Variants in KIF1B observed in about 807,000 individuals in gnomAD.
The protein encoded by KIF1B is kinesin family member 1B.
A neutral mutation model predicts 241.9 loss-of-function variants in KIF1B; 76 were observed. The ratio of observed to expected loss-of-function variants is 0.31; its 90% confidence interval spans 0.26 to 0.38. KIF1B has a LOEUF of 0.38. Among genes scored for constraint, KIF1B ranks in the 10% least tolerant of loss-of-function variants. The pLI is 1.00. For synonymous variants in KIF1B, 750 were observed against 796.7 expected (o/e 0.94, Z 0.99); for missense variants, 1,622 against 2,271.4 (o/e 0.71, Z 5.81).
rs755794359 is a variant in KIF1B, at chr1:10,238,381, CAAAAA to C, written c.106+5963_106+5967del. On this transcript the variant is annotated intron_variant, in intron 2 of 48. Coordinates refer to ENST00000676179, the MANE Select transcript of KIF1B (RefSeq NM_001365951.3). Reference sequence around the variant, plus strand: ...GGGCGACAAGAGCAAAACTTTGTCTCAAAAAAAAAAAAAAAAAAAATACAGAAAGT... The same window carrying C: ...GGGCGACAAGAGCAAAACTTTGTCTCAAAAAAAAAAAAAAATACAGAAAGT... Among the ~76,000 whole-genome samples the C allele has an allele frequency of 2.2e-3, 194 of 87,120 alleles. 2 individuals are homozygous for C. The highest frequency in any genetic ancestry group is 7.9e-3 in the African/African-American group (182 of 23,070). The allele number at this position is 87,120 out of a possible 152,430, so 57.2% of individuals were successfully genotyped here.
intron 2 of KIF1B, among the ~76,000 whole-genome samples, chr1:10,246,369 T>C (rs969411242): frequency 5.3e-5 from 8 of 152,340 alleles, no homozygotes; most frequent in Admixed American, 5.2e-4. Flanking sequence ...CCATTTCTAC[T>C]CTAGTCAAGA....
intron 22 of KIF1B, chr1:10,299,072 A>AG (rs1557697626): frequency 6.7e-6 from 1 of 148,228 alleles, no homozygotes; most frequent in Non-Finnish European, 1.5e-5. Context: ...TCCATATTTA[A>AG]AAAAAAAAAA....
chr1:10,217,161 A>T (rs1215420760), intron 1 of KIF1B, among the ~76,000 whole-genome samples: 1 of 150,284 alleles, frequency 6.7e-6, no homozygotes, highest in Non-Finnish European at 1.5e-5. Flanking sequence ...TTTAGTAGAG[A>T]TGGGGTTTCA....
chr1:10,380,748 T>G lies in KIF1B; in HGVS notation c.*4161T>G, dbSNP rs538115883. The G allele has an allele frequency of 4.6e-6, 1 of 215,608 alleles. No individual in the cohort carries two copies. Among genetic ancestry groups the G allele is most frequent in the South Asian group, 1.9e-4 (1 of 5,338 alleles). The allele number at this position is 215,608 out of a possible 1,614,324, so 13.4% of individuals were successfully genotyped here. On this transcript the variant is annotated 3_prime_UTR_variant, in exon 49 of 49. Transcript: ENST00000676179. ...TCATGATGCTGCTGCTCCCAGAAGG[T>G]TTGCTGGATGTGTTTACATAGGACT...
chr1:10,365,469 T>G lies in KIF1B; in HGVS notation c.4573T>G (p.Ser1525Ala). The change falls in exon 43 of 49, where the codon TCC becomes GCC. Residue 1525 changes from serine to alanine, a missense_variant. By Grantham distance (99) the Ser-to-Ala change is moderately conservative. Transcript: ENST00000676179. The surrounding 1 kb of genome is among the most constrained non-coding windows in gnomAD (Gnocchi z 4.0). ...RERLGDSIPK[S>A]LSDSLSPSLS... is the part of the protein sequence containing the mutation. ...GAGACTTGGTGACAGCATCCCCAAATCCCTGAGCGACTCGTTATCCCCCAG... is the reference window on the plus strand; with the variant it reads ...GAGACTTGGTGACAGCATCCCCAAAGCCCTGAGCGACTCGTTATCCCCCAG... 1 of 1,614,144 alleles carries G rather than the reference T, an allele frequency of 6.2e-7. No homozygotes were observed. The highest frequency in any genetic ancestry group is 1.1e-5 in the South Asian group (1 of 91,078).
Position 10,346,030 on chromosome 1 carries a change from T to C in KIF1B, c.3797+77T>C, listed in dbSNP as rs1652575841. 3 of 941,486 alleles carry C rather than the reference T, an allele frequency of 3.2e-6. No homozygotes were observed. In the South Asian group the frequency reaches 4.1e-5, roughly 13 times the overall value. The allele number at this position is 941,486 out of a possible 1,614,324, so 58.3% of individuals were successfully genotyped here. On this transcript the variant is annotated intron_variant, in intron 35 of 48. Coordinates refer to ENST00000676179, the MANE Select transcript of KIF1B (RefSeq NM_001365951.3). ...AAATGCAATTTTGAATCTTCTTGTA[T>C]TTGGGTTCATGAATCATTGTCACTG...
At chr1:10,360,140 G>A (rs1170726559) in intron 38 of KIF1B, among the ~76,000 whole-genome samples, 1 of 152,016 alleles carries the variant, frequency 6.6e-6, no homozygotes, top group Non-Finnish European at 1.5e-5. Context: ...TATATCTGTG[G>A]TGTTTCTGAG....
intron 45 of KIF1B, among the ~76,000 whole-genome samples, chr1:10,373,486 C>T (rs768039439): frequency 1.3e-5 from 2 of 151,544 alleles, no homozygotes; most frequent in Non-Finnish European, 2.9e-5. Flanking sequence ...CTGCCTACCT[C>T]GGCCTCCCAA....
intron 27 of KIF1B, among the ~76,000 whole-genome samples, chr1:10,329,321 A>G (rs1651834297): frequency 6.6e-6 from 1 of 152,164 alleles, no homozygotes; most frequent in African/African-American, 2.4e-5. Flanking sequence ...ATGCAACATC[A>G]CCCAGTTGTG....
At chr1:10,279,689 CTTTTTTTTTTTTTTTT>C (rs34983973) in intron 14 of KIF1B, among the ~76,000 whole-genome samples, 1 of 67,624 alleles carries the variant, frequency 1.5e-5, no homozygotes, top group Admixed American at 1.9e-4. Flanking sequence ...ACGTTTTTTC[CTTTTTTTTTTTTTTTT>C]TTTTTTTTTT....
intron 22 of KIF1B, among the ~76,000 whole-genome samples, chr1:10,316,242 G>A (rs1177895270): frequency 6.6e-6 from 1 of 150,674 alleles, no homozygotes; most frequent in Non-Finnish European, 1.5e-5. Context: ...CCAAAAAAAA[G>A]GAAAAAGATT....
In KIF1B at chr1:10,376,721, A is replaced by G. The variant is rs1638899394; in HGVS notation, c.*134A>G. 2.2e-6 allele frequency: 2 copies of G among 889,550 alleles called. No individual in the cohort carries two copies. The highest frequency in any genetic ancestry group is 2.5e-5 in the East Asian group (1 of 40,272). The allele number at this position is 889,550 out of a possible 1,614,324, so 55.1% of individuals were successfully genotyped here. On this transcript the variant is annotated 3_prime_UTR_variant, in exon 49 of 49. Coordinates refer to ENST00000676179, the MANE Select transcript of KIF1B (RefSeq NM_001365951.3). The stretch of plus-strand genomic sequence containing the variant: ...AACTACTTCTCCCTCCTTGTCCAGC[A>G]CTTTTCTAGCTCTCCCGTTCCCCAT...
Position 10,302,183 on chromosome 1 carries a change from T to C in KIF1B, c.2115+4937T>C, listed in dbSNP as rs570337455. On this transcript the variant is annotated intron_variant, in intron 22 of 48. Coordinates refer to ENST00000676179, the MANE Select transcript of KIF1B (RefSeq NM_001365951.3). The stretch of plus-strand genomic sequence containing the variant: ...TTGGGGAATTTTAAATTATATTCAG[T>C]GGAAGTATATTTGCCCAGCTTTATT... Among the ~76,000 whole-genome samples, 73 of 152,298 alleles carry C rather than the reference T, an allele frequency of 4.8e-4. No homozygotes were observed. In the Middle Eastern group the frequency reaches 0.034, roughly 71 times the overall value.
chr1:10,245,267 A>G (rs1307899504), intron 2 of KIF1B, among the ~76,000 whole-genome samples: 1 of 152,206 alleles, frequency 6.6e-6, no homozygotes, highest in Non-Finnish European at 1.5e-5. Context: ...CAGGGAGAAA[A>G]GGGGGTAAAA....
At chr1:10,222,720 A>C (rs1646860653) in intron 1 of KIF1B, among the ~76,000 whole-genome samples, 1 of 152,154 alleles carries the variant, frequency 6.6e-6, no homozygotes, top group Non-Finnish European at 1.5e-5. Context: ...TAAATGTTTT[A>C]TTGTCTCTTT....
intron 2 of KIF1B, among the ~76,000 whole-genome samples, chr1:10,244,688 C>T (rs185011999): frequency 1.3e-3 from 197 of 150,770 alleles, no homozygotes; most frequent in Non-Finnish European, 2.5e-3. Flanking sequence ...TCTCTGCTCA[C>T]TGCAAGCTCC....
chr1:10,252,615 T>C (rs1412462355), intron 2 of KIF1B, among the ~76,000 whole-genome samples: 1 of 152,026 alleles, frequency 6.6e-6, no homozygotes, highest in Non-Finnish European at 1.5e-5. Context: ...TTTCACCATG[T>C]TGCCCAGGCT....
At position 10,371,160 on chromosome 1, in the gene KIF1B, T is replaced by C. The variant is rs376471111; in HGVS notation, c.4844T>C (p.Ile1615Thr). ...TTCCAGTTGTCTGATATCTCTCCAA[T>C]TGGACGGGATCCCTCTGAGTCCAGT... ...SDCKLSDISPIGRDPSESSFS... is the reference protein window; with the variant it reads ...SDCKLSDISPTGRDPSESSFS... Residue 1615 changes from isoleucine (I) to threonine (T), a missense_variant, in exon 45 of 49, where the codon ATT (isoleucine) becomes ACT (threonine). Ile to Thr is a moderately conservative substitution (Grantham distance 89). Transcript: ENST00000676179. The C allele has an allele frequency of 3.0e-5, 49 of 1,614,058 alleles. No homozygotes were observed. The highest frequency in any genetic ancestry group is 9.9e-5 in the South Asian group (9 of 91,094).
At chr1:10,269,830 A>G (rs532264782) in intron 7 of KIF1B, among the ~76,000 whole-genome samples, 1 of 152,232 alleles carries the variant, frequency 6.6e-6, no homozygotes, top group African/African-American at 2.4e-5. Context: ...AAAAATATAT[A>G]TATATTTCTT....
Sources: gnomAD v4.1 joint callset for allele counts (sites outside exome capture counted in the v4.1 genomes callset) on GRCh38, gnomAD v4.1.1 for gene constraint, Gnocchi (gnomAD v3.1) non-coding constraint, MANE v1.5 for transcripts, NCBI Gene and HGNC (gene_info 2026-07-23, HGNC 2026-07-21) for gene names.